Variants in ZFPM2 observed in about 807,000 individuals in gnomAD.
The protein encoded by ZFPM2 is zinc finger protein ZFPM2.
In ZFPM2, 20 loss-of-function variants were observed where a neutral mutation model predicts 98.6. The observed-to-expected ratio is 0.20, with a 90% confidence interval of 0.14 to 0.29. The LOEUF (loss-of-function observed/expected upper bound fraction) is 0.29. ZFPM2 is among the 10% of genes least tolerant of loss of function. The pLI is 1.00. For synonymous variants in ZFPM2, 518 were observed against 502.7 expected (o/e 1.03, Z -0.41); for missense variants, 1,310 against 1,388.6 (o/e 0.94, Z 0.90).
At chr8:105,686,720 T>C (rs1810745103) in intron 5 of ZFPM2, among the ~76,000 whole-genome samples, 1 of 152,158 alleles carries the variant, frequency 6.6e-6, no homozygotes, top group South Asian at 2.1e-4. Flanking sequence ...TTAACATTCA[T>C]AGTTAGCACA....
chr8:105,684,814 C>T (rs555351443), intron 5 of ZFPM2: 5 of 152,006 alleles, frequency 3.3e-5, no homozygotes, highest in Admixed American at 2.0e-4. Context: ...TGTCCCAGTA[C>T]GTGGTAGGAC....
intron 2 of ZFPM2, among the ~76,000 whole-genome samples, chr8:105,435,165 T>C (rs1008599571): frequency 2.0e-5 from 3 of 152,198 alleles, no homozygotes; most frequent in African/African-American, 7.2e-5. Context: ...CTCTCATTGA[T>C]TCTGAAACCT....
At chr8:105,798,694 C>CAAAT in intron 6 of ZFPM2, 30 bp from the exon 7 acceptor site, 1 of 1,583,878 alleles carries the variant, frequency 6.3e-7, no homozygotes, top group Non-Finnish European at 8.6e-7. Flanking sequence ...TGGACAGCAG[C>CAAAT]AAATGTGTCT....
chr8:105,624,048 A>G (rs1816605883), intron 4 of ZFPM2, among the ~76,000 whole-genome samples: 1 of 152,136 alleles, frequency 6.6e-6, no homozygotes, highest in South Asian at 2.1e-4. Flanking sequence ...AAAGTCTTAT[A>G]ATAATATCGT....
At chr8:105,599,780 C>T (rs180950250) in intron 4 of ZFPM2, among the ~76,000 whole-genome samples, 1 of 152,216 alleles carries the variant, frequency 6.6e-6, no homozygotes, top group African/African-American at 2.4e-5. Flanking sequence ...GCTTTAGCCT[C>T]ACAGTAATAA....
At chr8:105,756,823 G>A (rs1812609718) in intron 5 of ZFPM2, among the ~76,000 whole-genome samples, 1 of 152,102 alleles carries the variant, frequency 6.6e-6, no homozygotes, top group African/African-American at 2.4e-5. Flanking sequence ...GTATTCTGTT[G>A]TGCTCTGTTT....
At chr8:105,418,271 T>A (rs1811719907) in intron 1 of ZFPM2, among the ~76,000 whole-genome samples, 1 of 152,114 alleles carries the variant, frequency 6.6e-6, no homozygotes, top group Admixed American at 6.6e-5. Flanking sequence ...GCCACATCAC[T>A]TCTTTAGGAG....
At chr8:105,653,115 A>G (rs1371545435) in intron 5 of ZFPM2, among the ~76,000 whole-genome samples, 2 of 152,218 alleles carry the variant, frequency 1.3e-5, no homozygotes, top group South Asian at 2.1e-4. Flanking sequence ...AGATACAAAT[A>G]AGAAACAAAA....
intron 1 of ZFPM2, among the ~76,000 whole-genome samples, chr8:105,380,937 A>AATATATAATATATATT (rs1810874669): frequency 9.2e-6 from 1 of 108,636 alleles, no homozygotes; most frequent in African/African-American, 3.5e-5. Context: ...TAATATATAT[A>AATATATAATATATATT]TTATTATACT....
intron 5 of ZFPM2, among the ~76,000 whole-genome samples, chr8:105,756,779 A>C (rs1812608579): frequency 6.6e-6 from 1 of 151,936 alleles, no homozygotes; most frequent in African/African-American, 2.4e-5. Context: ...GATTTCATGC[A>C]GCAGTTGGCA....
At chr8:105,731,682 C>CA (rs1250630512) in intron 5 of ZFPM2, among the ~76,000 whole-genome samples, 1 of 151,474 alleles carries the variant, frequency 6.6e-6, no homozygotes, top group African/African-American at 2.4e-5. Flanking sequence ...AATGAACAAT[C>CA]AAAAGAGACA....
At chr8:105,657,596 C>T (rs1055260052) in intron 5 of ZFPM2, among the ~76,000 whole-genome samples, 4 of 152,134 alleles carry the variant, frequency 2.6e-5, no homozygotes, top group East Asian at 1.9e-4. Flanking sequence ...GACTTCTATA[C>T]AGGCTGAACT....
At chr8:105,389,215 CAGAT>C (rs893869767) in intron 1 of ZFPM2, among the ~76,000 whole-genome samples, 3 of 152,034 alleles carry the variant, frequency 2.0e-5, no homozygotes, top group Non-Finnish European at 4.4e-5. Flanking sequence ...GTCTAGTAAA[CAGAT>C]GGATGTTGGA....
chr8:105,575,116 TC>T (rs1234059916), intron 4 of ZFPM2, among the ~76,000 whole-genome samples: 1 of 151,600 alleles, frequency 6.6e-6, no homozygotes. Context: ...TGCACAAGTG[TC>T]CCCCCGCCTC....
chr8:105,512,896 G>A (rs1173579035), intron 3 of ZFPM2, among the ~76,000 whole-genome samples: 4 of 152,126 alleles, frequency 2.6e-5, no homozygotes, highest in Non-Finnish European at 4.4e-5. Flanking sequence ...GTGTGTGTGT[G>A]TGCATGTTTC....
chr8:105,665,136 G>A (rs551110432), intron 5 of ZFPM2, among the ~76,000 whole-genome samples: 2 of 152,106 alleles, frequency 1.3e-5, no homozygotes, highest in Non-Finnish European at 2.9e-5. Flanking sequence ...CATATGGTGA[G>A]AGAGGAAGCC....
chr8:105,569,320 C>A (rs1218013833), intron 4 of ZFPM2, among the ~76,000 whole-genome samples: 1 of 152,162 alleles, frequency 6.6e-6, no homozygotes, highest in Non-Finnish European at 1.5e-5. Context: ...TTTCACTTTT[C>A]TCCATATCAG....
At chr8:105,600,020 G>T (rs1199492403) in intron 4 of ZFPM2, among the ~76,000 whole-genome samples, 1 of 152,104 alleles carries the variant, frequency 6.6e-6, no homozygotes, top group Non-Finnish European at 1.5e-5. Context: ...CTTTTATGTT[G>T]CAGGAACTTG....
chr8:105,744,269 C>A (rs115320672), intron 5 of ZFPM2, among the ~76,000 whole-genome samples: 1 of 152,162 alleles, frequency 6.6e-6, no homozygotes, highest in Non-Finnish European at 1.5e-5. Context: ...CCATGGTGCA[C>A]AAAATATGTG....
Sources: gnomAD v4.1 joint callset for allele counts (sites outside exome capture counted in the v4.1 genomes callset) on GRCh38, gnomAD v4.1.1 for gene constraint, MANE v1.5 for transcripts, NCBI Gene and HGNC (gene_info 2026-07-23, HGNC 2026-07-21) for gene names.